Variants in GNAO1 observed in about 807,000 individuals in gnomAD.
GNAO1 encodes the protein guanine nucleotide-binding protein G(o) subunit alpha.
For missense variants in GNAO1, 166 were observed against 478.7 expected, an observed-to-expected ratio of 0.35 and a Z score of 6.10; for synonymous variants, 164 against 180.7, an observed-to-expected ratio of 0.91 and a Z score of 0.74.
At chr16:56,265,585 C>CT (rs1434001171) in intron 2 of GNAO1, among the ~76,000 whole-genome samples, 4 of 152,170 alleles carry the variant, frequency 2.6e-5, no homozygotes, top group Admixed American at 1.3e-4. Context: ...TTCCCTCCAG[C>CT]TGGTGGGTTG....
chr16:56,211,096 C>A (rs1287857291), intron 2 of GNAO1, among the ~76,000 whole-genome samples: 1 of 152,170 alleles, frequency 6.6e-6, no homozygotes, highest in Non-Finnish European at 1.5e-5. Context: ...GGTCCTATTT[C>A]TGCTGACTTC....
Position 56,331,595 on chromosome 16 carries a change from G to A in GNAO1, c.464+2804G>A, listed in dbSNP as rs754643152. Among the ~76,000 whole-genome samples, 5 of 152,016 alleles carry A rather than the reference G, an allele frequency of 3.3e-5. No individual in the cohort carries two copies. The East Asian group carries it at 5.8e-4, about 18-fold the overall frequency. On this transcript the variant is annotated intron_variant, in intron 4 of 8. Coordinates refer to ENST00000262493, the MANE Select transcript of GNAO1 (RefSeq NM_020988.3). ...CCCAGCCCCCGCCTCCTCTCGGGCC[G>A]CCCTTTCCAGACTCCCTCGATGCCT... is the stretch of plus-strand genomic sequence containing the variant.
intron 2 of GNAO1, chr16:56,193,885 G>T (rs1321285137): frequency 2.8e-6 from 1 of 356,470 alleles, no homozygotes; most frequent in Non-Finnish European, 5.5e-6. Context: ...CTAATTAGGG[G>T]TTGCTGTGCA....
chr16:56,292,138 A>C (rs547478300), intron 3 of GNAO1, among the ~76,000 whole-genome samples: 46 of 152,234 alleles, frequency 3.0e-4, no homozygotes, highest in African/African-American at 1.1e-3. Flanking sequence ...CCTAGCAGAC[A>C]ATCTGAACTG....
chr16:56,313,720 T>C (rs927059969), intron 3 of GNAO1, among the ~76,000 whole-genome samples: 1 of 152,224 alleles, frequency 6.6e-6, no homozygotes, highest in African/African-American at 2.4e-5. Flanking sequence ...AGTATATCAA[T>C]GACCCTTCTT....
intron 7 of GNAO1, among the ~76,000 whole-genome samples, chr16:56,353,873 C>T (rs1177460917): frequency 4.6e-5 from 7 of 152,240 alleles, no homozygotes; most frequent in Non-Finnish European, 8.8e-5. Flanking sequence ...CAAGGCTGTC[C>T]CAACCCCCTG....
intron 2 of GNAO1, among the ~76,000 whole-genome samples, chr16:56,238,530 G>A (rs995496565): frequency 6.6e-6 from 1 of 152,318 alleles, no homozygotes; most frequent in African/African-American, 2.4e-5. Flanking sequence ...CAACATAGTG[G>A]TGGCCATCCC....
chr16:56,288,541 G>A (rs1482115492), intron 3 of GNAO1, among the ~76,000 whole-genome samples: 1 of 152,220 alleles, frequency 6.6e-6, no homozygotes, highest in African/African-American at 2.4e-5. Context: ...GCCTCTAAAA[G>A]GAGGCTGCTT....
intron 2 of GNAO1, among the ~76,000 whole-genome samples, chr16:56,196,188 A>C (rs375780128): frequency 2.0e-5 from 3 of 152,080 alleles, no homozygotes; most frequent in African/African-American, 4.8e-5. Flanking sequence ...GCTCTGTGTC[A>C]GACAATCCAA....
At chr16:56,263,464 A>G (rs1412494011) in intron 2 of GNAO1, among the ~76,000 whole-genome samples, 1 of 152,182 alleles carries the variant, frequency 6.6e-6, no homozygotes, top group Non-Finnish European at 1.5e-5. Flanking sequence ...AAATATACAT[A>G]CCAGGTGGTG....
intron 2 of GNAO1, among the ~76,000 whole-genome samples, chr16:56,252,757 C>T (rs1455801925): frequency 6.6e-6 from 1 of 152,220 alleles, no homozygotes; most frequent in Admixed American, 6.5e-5. Flanking sequence ...TCTCCCCTCC[C>T]AACCTTCCTC....
At chr16:56,332,374 A>T (rs1477055822) in intron 4 of GNAO1, among the ~76,000 whole-genome samples, 2 of 151,896 alleles carry the variant, frequency 1.3e-5, no homozygotes, top group Non-Finnish European at 2.9e-5. Context: ...CTCGAGGCCC[A>T]CTTGCTCCCT....
chr16:56,329,984 C>T (rs1567486181), intron 4 of GNAO1, among the ~76,000 whole-genome samples: 1 of 152,224 alleles, frequency 6.6e-6, no homozygotes, highest in African/African-American at 2.4e-5. Context: ...CCCTGATCTA[C>T]GCAATGCCAA....
At chr16:56,338,430 T>C (rs1333105823) in intron 6 of GNAO1, among the ~76,000 whole-genome samples, 2 of 152,248 alleles carry the variant, frequency 1.3e-5, no homozygotes, top group South Asian at 2.1e-4. Flanking sequence ...GTCAGCTTCC[T>C]GGCCATGTGC....
Position 56,326,840 on chromosome 16 carries a change from C to T in GNAO1, c.304-1791C>T, listed in dbSNP as rs1448729818. Among the ~76,000 whole-genome samples the T allele has an allele frequency of 3.3e-5, 5 of 152,346 alleles. No individual in the cohort carries two copies. The highest frequency in any genetic ancestry group is 7.2e-5 in the African/African-American group (3 of 41,580). On this transcript the variant is annotated intron_variant, in intron 3 of 8. Transcript: ENST00000262493. This position sits in a 1 kb window ranked among gnomAD's most constrained non-coding sequence, Gnocchi z 4.8. ...CATTAAAGGCTGTGGCTGCCTCAGA[C>T]GGAGCACATATCTTCCTGGGCAAGG...
chr16:56,322,359 A>G (rs1238185285), intron 3 of GNAO1, among the ~76,000 whole-genome samples: 2 of 152,208 alleles, frequency 1.3e-5, no homozygotes, highest in Non-Finnish European at 2.9e-5. Flanking sequence ...CGTAGCAGAA[A>G]GAATGGTGCT....
rs576706955 is a variant in GNAO1 at position 56,211,763 on chromosome 16, C to T, written c.161+19147C>T. Among the ~76,000 whole-genome samples, 8 of 152,294 alleles carry T rather than the reference C, an allele frequency of 5.3e-5. No individual in the cohort carries two copies. The South Asian group carries it at 1.2e-3, about 24-fold the overall frequency. ...TTTATGGTCGCAGTGCTTCCCAGCA[C>T]CCCCTCCCGCTTCTCGTTGATTGTC... On this transcript the variant is annotated intron_variant, in intron 2 of 8. Coordinates refer to ENST00000262493, the MANE Select transcript of GNAO1 (RefSeq NM_020988.3).
At chr16:56,211,120 T>C (rs1338600753) in intron 2 of GNAO1, among the ~76,000 whole-genome samples, 1 of 152,156 alleles carries the variant, frequency 6.6e-6, no homozygotes, top group African/African-American at 2.4e-5. Context: ...GGAGAGAATA[T>C]TCAGGAAGGG....
chr16:56,276,459 CT>C (rs1288464602), intron 3 of GNAO1: 2 of 158,344 alleles, frequency 1.3e-5, no homozygotes, highest in African/African-American at 4.8e-5. Flanking sequence ...CTTAGAAGAA[CT>C]TTCCTTGCCT....
Sources: gnomAD v4.1 joint callset for allele counts (sites outside exome capture counted in the v4.1 genomes callset) on GRCh38, gnomAD v4.1.1 for gene constraint, Gnocchi (gnomAD v3.1) non-coding constraint, MANE v1.5 for transcripts, NCBI Gene and HGNC (gene_info 2026-07-23, HGNC 2026-07-21) for gene names.